The following ATRNL1 variants were observed in gnomAD, a reference collection of about 807,000 sequenced individuals.
ATRNL1 encodes attractin like 1, also known as attractin-like protein 1.
Under a neutral mutation model 182.7 loss-of-function variants are expected in ATRNL1, and 95 were observed. The ratio of observed to expected loss-of-function variants is 0.52; its 90% confidence interval spans 0.44 to 0.62. ATRNL1 has a LOEUF of 0.62. Among genes scored for constraint, ATRNL1 ranks in the 20% least tolerant of loss-of-function variants. The pLI is 0.00. For synonymous variants in ATRNL1, 576 were observed against 568.3 expected, an observed-to-expected ratio of 1.01 and a Z score of -0.19; for missense variants, 1,471 against 1,679.5, an observed-to-expected ratio of 0.88 and a Z score of 2.17.
intron 8 of ATRNL1, among the ~76,000 whole-genome samples, chr10:115,187,387 C>T (rs182646569): frequency 7.2e-5 from 11 of 152,032 alleles, no homozygotes; most frequent in Admixed American, 1.3e-4. Context: ...TTATGGGAGA[C>T]AGAGAAAGGC....
rs1847579636 is a variant in ATRNL1 at position 115,457,407 on chromosome 10, C to G, written c.3323-4534C>G. On this transcript the variant is annotated intron_variant, in intron 21 of 28. Transcript: ENST00000355044. ...GAAGTTCTCACTCTGGTTGTGGACTCTATCCAGAACTGGCAGTTCAATTTT... is the reference window on the plus strand; with the variant it reads ...GAAGTTCTCACTCTGGTTGTGGACTGTATCCAGAACTGGCAGTTCAATTTT... Among the ~76,000 whole-genome samples the G allele has an allele frequency of 1.3e-5, 2 of 152,022 alleles. 1 individual carries two copies. The highest frequency in any genetic ancestry group is 1.3e-4 in the Admixed American group (2 of 15,246).
intron 20 of ATRNL1, among the ~76,000 whole-genome samples, chr10:115,403,757 C>T (rs1476225272): frequency 6.6e-6 from 1 of 152,190 alleles, no homozygotes; most frequent in Non-Finnish European, 1.5e-5. Context: ...CAGCCTCCAA[C>T]ACTAAATATT....
At chr10:115,737,926 G>A (rs1230826130) in intron 27 of ATRNL1, among the ~76,000 whole-genome samples, 1 of 151,868 alleles carries the variant, frequency 6.6e-6, no homozygotes, top group East Asian at 1.9e-4. Flanking sequence ...CACTTGGCCA[G>A]TCCAAATGGG....
intron 26 of ATRNL1, among the ~76,000 whole-genome samples, chr10:115,567,087 C>CA (rs1854116114): frequency 6.6e-6 from 1 of 152,114 alleles, no homozygotes; most frequent in African/African-American, 2.4e-5. Flanking sequence ...CATTGTTTAG[C>CA]AAGGACCCAA....
At chr10:115,356,528 C>T (rs1424777423) in intron 19 of ATRNL1, among the ~76,000 whole-genome samples, 1 of 151,724 alleles carries the variant, frequency 6.6e-6, no homozygotes, top group African/African-American at 2.4e-5. Flanking sequence ...ACTGTTTGGC[C>T]CTGATGTCAG....
chr10:115,340,406 G>C (rs990571070), intron 19 of ATRNL1, among the ~76,000 whole-genome samples: 5 of 150,854 alleles, frequency 3.3e-5, no homozygotes, highest in African/African-American at 1.2e-4. Context: ...CTCCCAAAGT[G>C]CTGGGATTAC....
chr10:115,758,875 G>T (rs1335189495), intron 27 of ATRNL1, among the ~76,000 whole-genome samples: 2 of 152,204 alleles, frequency 1.3e-5, no homozygotes, highest in Non-Finnish European at 2.9e-5. Flanking sequence ...ATTCTTATGG[G>T]TGTACATAAA....
chr10:115,296,503 A>G (rs1853199628), intron 15 of ATRNL1, among the ~76,000 whole-genome samples: 2 of 152,204 alleles, frequency 1.3e-5, no homozygotes, highest in Non-Finnish European at 2.9e-5. Flanking sequence ...TAATATTAGC[A>G]TGTATATTTC....
intron 28 of ATRNL1, among the ~76,000 whole-genome samples, chr10:115,870,628 C>G (rs1555105877): frequency 6.6e-6 from 1 of 152,142 alleles, no homozygotes; most frequent in Non-Finnish European, 1.5e-5. Flanking sequence ...TCAGTGTGAC[C>G]TAACCAATCC....
At chr10:115,788,990 ATGT>A (rs1949462979) in intron 27 of ATRNL1, among the ~76,000 whole-genome samples, 1 of 152,222 alleles carries the variant, frequency 6.6e-6, no homozygotes, top group South Asian at 2.1e-4. Context: ...ATTTTTTATG[ATGT>A]TGTGTTATCA....
intron 22 of ATRNL1, among the ~76,000 whole-genome samples, chr10:115,466,786 A>G (rs1433107604): frequency 6.6e-6 from 1 of 151,246 alleles, no homozygotes; most frequent in Non-Finnish European, 1.5e-5. Flanking sequence ...TTATATTGTT[A>G]TAAAATTGCT....
At chr10:115,590,411 G>C (rs1263807731) in intron 26 of ATRNL1, among the ~76,000 whole-genome samples, 5 of 151,808 alleles carry the variant, frequency 3.3e-5, no homozygotes, top group Non-Finnish European at 5.9e-5. Flanking sequence ...GTTTCCTTTG[G>C]TACATATTTA....
At chr10:115,454,192 T>G (rs1412892319) in intron 21 of ATRNL1, among the ~76,000 whole-genome samples, 1 of 152,120 alleles carries the variant, frequency 6.6e-6, no homozygotes, top group Non-Finnish European at 1.5e-5. Context: ...GCATCCTTGT[T>G]GAAGATCAGT....
chr10:115,792,197 A>G (rs1949546109), intron 27 of ATRNL1, among the ~76,000 whole-genome samples: 1 of 152,128 alleles, frequency 6.6e-6, no homozygotes. Context: ...ACTGCTGCCT[A>G]TTTGCAAGTA....
intron 27 of ATRNL1, among the ~76,000 whole-genome samples, chr10:115,730,784 T>C (rs1947774163): frequency 6.6e-6 from 1 of 152,020 alleles, no homozygotes; most frequent in Admixed American, 6.5e-5. Flanking sequence ...ATAGGAGATA[T>C]ATAGTTGTGT....
At chr10:115,750,975 G>C (rs1948432105) in intron 27 of ATRNL1, among the ~76,000 whole-genome samples, 1 of 151,992 alleles carries the variant, frequency 6.6e-6, no homozygotes, top group Non-Finnish European at 1.5e-5. Context: ...GCAGAAAAGT[G>C]ACCCCCAAAG....
At chr10:115,549,898 T>A (rs1554995093) in intron 26 of ATRNL1, among the ~76,000 whole-genome samples, 1 of 151,900 alleles carries the variant, frequency 6.6e-6, no homozygotes, top group African/African-American at 2.4e-5. Flanking sequence ...AAATTCTGAG[T>A]GATAAATATT....
At chr10:115,179,697 G>A (rs1027242737) in intron 8 of ATRNL1, among the ~76,000 whole-genome samples, 22 of 152,214 alleles carry the variant, frequency 1.4e-4, no homozygotes, top group African/African-American at 5.3e-4. Context: ...AGAGGAAGAA[G>A]TGTCTTGTGG....
At chr10:115,577,686 T>C (rs1226933263) in intron 26 of ATRNL1, among the ~76,000 whole-genome samples, 2 of 149,602 alleles carry the variant, frequency 1.3e-5, no homozygotes, top group Non-Finnish European at 3.0e-5. Context: ...GTATAATCAT[T>C]CAGTCTATAA....
Sources: gnomAD v4.1 joint callset for allele counts (sites outside exome capture counted in the v4.1 genomes callset) on GRCh38, gnomAD v4.1.1 for gene constraint, MANE v1.5 for transcripts, NCBI Gene and HGNC (gene_info 2026-07-23, HGNC 2026-07-21) for gene names.